Variants in CAPN8 observed in about 807,000 individuals in gnomAD.
The protein encoded by CAPN8 is calpain 8, also known as calpain-8.
A neutral mutation model predicts 80.9 loss-of-function variants in CAPN8; 87 were observed. The observed-to-expected ratio is 1.07, with a 90% CI of 0.90 to 1.28. The LOEUF (loss-of-function observed/expected upper bound fraction) is 1.28. CAPN8 is among the 50% of genes most tolerant of loss of function. The pLI, the probability that CAPN8 is intolerant of heterozygous loss-of-function variation, is 0.00. For missense variants in CAPN8, 757 were observed against 702.0 expected, an observed-to-expected ratio of 1.08 and a Z score of -0.89; for synonymous variants, 299 against 273.8, an observed-to-expected ratio of 1.09 and a Z score of -0.91.
intron 2 of CAPN8, among the ~76,000 whole-genome samples, chr1:223,630,298 C>T (rs1037116751): frequency 8.2e-6 from 1 of 121,792 alleles, no homozygotes; most frequent in African/African-American, 2.9e-5. Context: ...CCCGCTCACT[C>T]GCTCTCTCTC....
intron 9 of CAPN8, chr1:223,617,896 C>G (rs545638424): frequency 4.8e-6 from 1 of 207,994 alleles, no homozygotes; most frequent in East Asian, 1.0e-4. Context: ...GATGTGGACC[C>G]CTTTCCTTCC....
intron 19 of CAPN8, 144 bp downstream of exon 19, chr1:223,543,923 G>T (rs985870353): frequency 3.3e-6 from 2 of 612,150 alleles, no homozygotes; most frequent in African/African-American, 3.7e-5. Flanking sequence ...CCCCCAAGGT[G>T]CCAGCATTCC....
At chr1:223,622,497 T>A (rs1285819385) in intron 7 of CAPN8, 1 of 339,362 alleles carries the variant, frequency 2.9e-6, no homozygotes, top group Non-Finnish European at 5.4e-6. Context: ...CTGTGAGTGA[T>A]CGATTTGACC....
At chr1:223,657,776 T>C (rs1037441883) in intron 1 of CAPN8, among the ~76,000 whole-genome samples, 8 of 152,004 alleles carry the variant, frequency 5.3e-5, no homozygotes, top group Non-Finnish European at 1.0e-4. Flanking sequence ...AAAAAATAAA[T>C]AAATAGATGA....
At chr1:223,648,723 A>G (rs1449007507) in intron 2 of CAPN8, among the ~76,000 whole-genome samples, 1 of 152,208 alleles carries the variant, frequency 6.6e-6, no homozygotes, top group Non-Finnish European at 1.5e-5. Context: ...ACAAAACAGA[A>G]ATACAGAATA....
intron 2 of CAPN8, chr1:223,629,017 C>A (rs758172546): frequency 3.9e-6 from 2 of 509,808 alleles, no homozygotes; most frequent in Non-Finnish European, 7.0e-6. Context: ...CCCCCTCCCC[C>A]ACATGCTGAT....
At chr1:223,627,923 G>T in intron 4 of CAPN8, 86 bp downstream of exon 4, 1 of 1,417,430 alleles carries the variant, frequency 7.1e-7, no homozygotes, top group Non-Finnish European at 9.4e-7. Context: ...CCCTGAGTTT[G>T]GGGTGGGGAG....
intron 1 of CAPN8, among the ~76,000 whole-genome samples, chr1:223,664,192 G>A (rs1157043874): frequency 6.6e-6 from 1 of 152,184 alleles, no homozygotes; most frequent in Non-Finnish European, 1.5e-5. Flanking sequence ...GGTAGTATCA[G>A]TAACCGCATC....
chr1:223,551,025 G>C lies in CAPN8; in HGVS notation c.1642-8C>G, dbSNP rs1259727595. 6 of 718,010 alleles carry C rather than the reference G, an allele frequency of 8.4e-6. No individual in the cohort carries two copies. The allele number at this position is 718,010 out of a possible 1,614,324, so 44.5% of individuals were successfully genotyped here. On this transcript the variant is annotated splice_polypyrimidine_tract_variant and splice_region_variant and intron_variant, in intron 14 of 20. Coordinates refer to ENST00000366872, the MANE Select transcript of CAPN8 (RefSeq NM_001143962.2). ...GGCAGTAATCTCAGAATCCTAGAAA[G>C]AGGAACCCAAATGCAAATCATGTCA...
chr1:223,550,281 G>A (rs1472038948), intron 15 of CAPN8, among the ~76,000 whole-genome samples: 1 of 152,202 alleles, frequency 6.6e-6, no homozygotes, highest in Non-Finnish European at 1.5e-5. Context: ...CCCTGGGAAG[G>A]GTATGACTTG....
chr1:223,632,740 A>C (rs1461732083), intron 2 of CAPN8, among the ~76,000 whole-genome samples: 1 of 152,216 alleles, frequency 6.6e-6, no homozygotes, highest in Non-Finnish European at 1.5e-5. Flanking sequence ...TGAATAAGGC[A>C]GACAAAAACA....
intron 2 of CAPN8, among the ~76,000 whole-genome samples, chr1:223,652,582 G>A (rs559299034): frequency 2.0e-5 from 3 of 152,156 alleles, no homozygotes; most frequent in African/African-American, 7.2e-5. Flanking sequence ...GACCAGCCCT[G>A]ACTCAGATCC....
chr1:223,627,132 C>A lies in CAPN8; in HGVS notation c.586G>T (p.Ala196Ser), dbSNP rs186308028. The A allele has an allele frequency of 1.7e-5, 27 of 1,552,344 alleles. No homozygotes were observed. In the East Asian group the frequency reaches 5.9e-4, roughly 34 times the overall value. ...AKLNGCYEAL[A>S]GGSTVEGFED... Reference sequence around the variant, plus strand: ...AACCCCTCCACTGTGGAACCTCCAGCGAGAGCCTCATAACAACCATTAAGC... The same window carrying A: ...AACCCCTCCACTGTGGAACCTCCAGAGAGAGCCTCATAACAACCATTAAGC... Residue 196 changes from alanine (A) to serine (S), a missense_variant, in exon 5 of 21, where the codon GCT (alanine) becomes TCT (serine). Coordinates refer to ENST00000366872, the MANE Select transcript of CAPN8 (RefSeq NM_001143962.2).
intron 2 of CAPN8, among the ~76,000 whole-genome samples, chr1:223,631,453 G>A (rs1197892236): frequency 6.6e-6 from 1 of 152,014 alleles, no homozygotes; most frequent in Non-Finnish European, 1.5e-5. Flanking sequence ...TCCCCAGCAA[G>A]TTCTAAGGCC....
At chr1:223,615,891 T>A in intron 10 of CAPN8, 79 bp downstream of exon 10, 1 of 1,494,176 alleles carries the variant, frequency 6.7e-7, no homozygotes, top group Non-Finnish European at 9.1e-7. Flanking sequence ...ATAGGAAAGA[T>A]GTGCTACAAT....
At chr1:223,609,533 G>A (rs1656981108) in intron 11 of CAPN8, among the ~76,000 whole-genome samples, 169 bp from the exon 12 acceptor site, 1 of 152,198 alleles carries the variant, frequency 6.6e-6, no homozygotes, top group African/African-American at 2.4e-5. Flanking sequence ...ATCATCAAGT[G>A]TATTTTCAGT....
intron 6 of CAPN8, 24 bp from the exon 7 acceptor site, chr1:223,622,924 G>A: frequency 6.5e-7 from 1 of 1,534,806 alleles, no homozygotes; most frequent in Non-Finnish European, 8.8e-7. Context: ...ACACAGAAAA[G>A]CGACTGAATT....
At chr1:223,543,287 C>G in intron 19 of CAPN8, 121 bp from the exon 20 acceptor site, 1 of 1,183,412 alleles carries the variant, frequency 8.5e-7, no homozygotes, top group Non-Finnish European at 1.2e-6. Context: ...CCTACCACCC[C>G]CTCCCCTCCA....
At chr1:223,612,177 G>A (rs1657045201) in intron 11 of CAPN8, 69 bp downstream of exon 11, 2 of 1,201,410 alleles carry the variant, frequency 1.7e-6, no homozygotes, top group Non-Finnish European at 2.1e-6. Flanking sequence ...GACGCTGCTG[G>A]CTGCCCATCC....
Sources: gnomAD v4.1 joint callset for allele counts (sites outside exome capture counted in the v4.1 genomes callset) on GRCh38, gnomAD v4.1.1 for gene constraint, MANE v1.5 for transcripts, NCBI Gene and HGNC (gene_info 2026-07-23, HGNC 2026-07-21) for gene names.